IQCJ: variants seen among roughly 807,000 people sequenced by gnomAD.
IQCJ encodes IQ motif containing J.
IQCJ carries 9 observed loss-of-function variants against 11.0 expected under a neutral mutation model. The ratio of observed to expected loss-of-function variants is 0.82; its 90% CI spans 0.49 to 1.43. The LOEUF (loss-of-function observed/expected upper bound fraction) is 1.43, where lower values mean the gene tolerates loss of function less well. Ranked by LOEUF, IQCJ falls within the 40% of genes most tolerant of loss-of-function variation. IQCJ has a pLI of 0.00. For missense variants in IQCJ, 146 were observed against 133.2 expected (o/e 1.10, Z -0.47); for synonymous variants, 55 against 51.3 (o/e 1.07, Z -0.31).
intron 1 of IQCJ, among the ~76,000 whole-genome samples, chr3:159,180,820 A>G (rs1723051609): frequency 6.6e-6 from 1 of 151,970 alleles, no homozygotes; most frequent in African/African-American, 2.4e-5. Context: ...ACACTACAAC[A>G]TTTGGATGCA....
At chr3:159,234,329 A>T (rs968629519) in intron 1 of IQCJ, among the ~76,000 whole-genome samples, 6 of 152,236 alleles carry the variant, frequency 3.9e-5, no homozygotes, top group Non-Finnish European at 5.9e-5. Flanking sequence ...CAAAGAAATG[A>T]CATAGAATTA....
chr3:159,186,188 GTC>G (rs1380707006), intron 1 of IQCJ, among the ~76,000 whole-genome samples: 1 of 152,144 alleles, frequency 6.6e-6, no homozygotes, highest in Non-Finnish European at 1.5e-5. Flanking sequence ...TATGGGGTGA[GTC>G]TGATTGGTCT....
intron 1 of IQCJ, among the ~76,000 whole-genome samples, chr3:159,148,237 A>G (rs1042843429): frequency 6.6e-6 from 1 of 152,184 alleles, no homozygotes; most frequent in South Asian, 2.1e-4. Flanking sequence ...GCTGCTAGGA[A>G]TCTCACAGCC....
chr3:159,253,733 G>C (rs934363673), intron 3 of IQCJ, among the ~76,000 whole-genome samples: 1 of 152,050 alleles, frequency 6.6e-6, no homozygotes, highest in Non-Finnish European at 1.5e-5. Context: ...GTTTTTTAAC[G>C]TGCAAGGAGG....
chr3:159,251,638 C>A (rs1039547189), intron 2 of IQCJ, among the ~76,000 whole-genome samples: 2 of 149,714 alleles, frequency 1.3e-5, no homozygotes, highest in Non-Finnish European at 3.0e-5. Context: ...ACACACACAC[C>A]CCTACCTTAC....
chr3:159,086,021 G>A (rs1296601301), intron 1 of IQCJ, among the ~76,000 whole-genome samples: 1 of 152,120 alleles, frequency 6.6e-6, no homozygotes, highest in African/African-American at 2.4e-5. Flanking sequence ...TAATGCCTAG[G>A]TTTTCTTCTA....
chr3:159,091,227 A>G (rs77221129), intron 1 of IQCJ, among the ~76,000 whole-genome samples: 1 of 151,802 alleles, frequency 6.6e-6, no homozygotes, highest in Non-Finnish European at 1.5e-5. Flanking sequence ...ATCTTAGTCT[A>G]TTCAGGCAGT....
At position 159,101,340 on chromosome 3, in the gene IQCJ, G is replaced by T. The variant is rs141727428; in HGVS notation, c.9+31899G>T. Among the ~76,000 whole-genome samples the T allele has an allele frequency of 4.1e-3, 626 of 152,114 alleles. 5 individuals carry two copies. Among genetic ancestry groups the T allele is most frequent in the African/African-American group, 0.014 (585 of 41,504 alleles). On this transcript the variant is annotated intron_variant, in intron 1 of 3. Coordinates refer to ENST00000397832, the MANE Select transcript of IQCJ (RefSeq NM_001042706.3). ...AAATCACCGTCTTCTGCGTCGCTCA[G>T]GCTGGGAGCTGTAGACCGGAGCTGT...
chr3:159,171,665 A>G (rs1722491571), intron 1 of IQCJ, among the ~76,000 whole-genome samples: 1 of 152,184 alleles, frequency 6.6e-6, no homozygotes, highest in African/African-American at 2.4e-5. Context: ...CACTTCTGAG[A>G]CTATTTCTCG....
chr3:159,202,964 CAT>C (rs984624218), intron 1 of IQCJ, among the ~76,000 whole-genome samples: 2 of 152,070 alleles, frequency 1.3e-5, no homozygotes, highest in African/African-American at 4.8e-5. Context: ...AGACAAGTAA[CAT>C]AGATTCTTTT....
At chr3:159,209,605 G>A (rs1472379111) in intron 1 of IQCJ, among the ~76,000 whole-genome samples, 1 of 152,178 alleles carries the variant, frequency 6.6e-6, no homozygotes, top group African/African-American at 2.4e-5. Context: ...TGGGGCTCCA[G>A]AGGTCATGGG....
intron 1 of IQCJ, among the ~76,000 whole-genome samples, chr3:159,156,058 A>C (rs1455151078): frequency 3.9e-5 from 6 of 152,236 alleles, no homozygotes; most frequent in Non-Finnish European, 8.8e-5. Context: ...GACACTAAAC[A>C]CGTGCCATCT....
intron 1 of IQCJ, among the ~76,000 whole-genome samples, chr3:159,108,517 A>C (rs530518137): frequency 7.2e-4 from 110 of 152,214 alleles, no homozygotes; most frequent in Non-Finnish European, 1.4e-3. Flanking sequence ...AAAGAAAAGA[A>C]ACAATTATTT....
At chr3:159,154,670 G>A (rs1389207641) in intron 1 of IQCJ, among the ~76,000 whole-genome samples, 2 of 152,122 alleles carry the variant, frequency 1.3e-5, no homozygotes, top group African/African-American at 4.8e-5. Context: ...ACTCAAAGAA[G>A]TCCTTTCAAG....
intron 1 of IQCJ, among the ~76,000 whole-genome samples, chr3:159,180,587 G>C (rs944965672): frequency 2.6e-5 from 4 of 151,924 alleles, no homozygotes; most frequent in Non-Finnish European, 5.9e-5. Context: ...ATTGGATGGA[G>C]AGAGATAGGG....
intron 1 of IQCJ, among the ~76,000 whole-genome samples, chr3:159,179,677 G>A (rs1722981540): frequency 6.6e-6 from 1 of 152,164 alleles, no homozygotes; most frequent in Admixed American, 6.6e-5. Flanking sequence ...TCTATGAAAA[G>A]AGACTGACAA....
At chr3:159,151,431 T>G (rs1333172461) in intron 1 of IQCJ, among the ~76,000 whole-genome samples, 1 of 152,136 alleles carries the variant, frequency 6.6e-6, no homozygotes, top group Non-Finnish European at 1.5e-5. Context: ...TCCAACTGAG[T>G]TCTTCAGCAT....
intron 1 of IQCJ, among the ~76,000 whole-genome samples, chr3:159,192,738 G>T (rs1369730423): frequency 6.6e-6 from 1 of 152,142 alleles, no homozygotes; most frequent in African/African-American, 2.4e-5. Context: ...TGTGTGTCTT[G>T]GTCCTGAAGG....
intron 1 of IQCJ, among the ~76,000 whole-genome samples, chr3:159,071,156 A>G (rs1358240831): frequency 1.3e-5 from 2 of 152,060 alleles, no homozygotes; most frequent in Admixed American, 1.3e-4. Context: ...AAAAATTTAC[A>G]TAACTCTAAA....
Sources: allele counts gnomAD v4.1 joint callset (sites outside exome capture counted in the v4.1 genomes callset), GRCh38; gene constraint gnomAD v4.1.1; transcripts MANE v1.5; gene names NCBI Gene and HGNC (gene_info 2026-07-23, HGNC 2026-07-21).